The following PLXDC2 variants were observed in gnomAD, a reference collection of about 807,000 sequenced individuals.
The protein encoded by PLXDC2 is plexin domain-containing protein 2.
A neutral mutation model predicts 68.9 loss-of-function variants in PLXDC2; 40 were observed. The observed-to-expected ratio is 0.58, with a 90% CI of 0.45 to 0.76. The LOEUF is 0.76. Ranked by LOEUF, PLXDC2 falls within the 30% of genes least tolerant of loss-of-function variation. The pLI is 0.00. For missense variants in PLXDC2, 644 were observed against 661.9 expected (o/e 0.97, Z 0.30); for synonymous variants, 243 against 234.2 (o/e 1.04, Z -0.34).
chr10:20,032,486 A>G (rs185792814), intron 2 of PLXDC2, among the ~76,000 whole-genome samples: 5 of 152,268 alleles, frequency 3.3e-5, no homozygotes, highest in Admixed American at 3.3e-4. Context: ...CAAAAGGATT[A>G]CTCTACTATG....
intron 5 of PLXDC2, among the ~76,000 whole-genome samples, chr10:20,144,438 C>T (rs944879840): frequency 1.4e-4 from 22 of 152,112 alleles, no homozygotes; most frequent in African/African-American, 5.3e-4. Flanking sequence ...AATGAGGAAA[C>T]TAAACATAGT....
rs539873168 is a variant in PLXDC2, at chr10:20,215,931, G to C, written c.1123-1495G>C. ...TCATACTGAGCATAATGGGAGAGGT[G>C]ATTAGCAAGACACAGCAATGCTGCC... On this transcript the variant is annotated intron_variant, in intron 10 of 13. Coordinates refer to ENST00000377252, the MANE Select transcript of PLXDC2 (RefSeq NM_032812.9). Among the ~76,000 whole-genome samples, 105 of 152,172 alleles carry C rather than the reference G, an allele frequency of 6.9e-4. 4 individuals carry two copies. In the South Asian group the frequency reaches 0.021, roughly 30 times the overall value.
chr10:20,228,639 GAGGGAGGAAACA>G (rs1222977030), intron 12 of PLXDC2, among the ~76,000 whole-genome samples: 1 of 150,794 alleles, frequency 6.6e-6, no homozygotes, highest in African/African-American at 2.4e-5. Flanking sequence ...GGGCGGAAGG[GAGGGAGGAAACA>G]AGGAAGGAAA....
At chr10:19,906,944 A>G (rs1047452641) in intron 1 of PLXDC2, among the ~76,000 whole-genome samples, 2 of 152,090 alleles carry the variant, frequency 1.3e-5, no homozygotes, top group African/African-American at 4.8e-5. Context: ...GTCATGTGTG[A>G]TAGCCTGTCT....
intron 4 of PLXDC2, among the ~76,000 whole-genome samples, chr10:20,115,016 G>A (rs907122560): frequency 1.2e-4 from 18 of 152,074 alleles, no homozygotes; most frequent in African/African-American, 3.4e-4. Flanking sequence ...AAATAAATCC[G>A]CAATGCAATT....
At chr10:19,933,757 G>A (rs1012818419) in intron 1 of PLXDC2, among the ~76,000 whole-genome samples, 3 of 150,678 alleles carry the variant, frequency 2.0e-5, no homozygotes, top group Non-Finnish European at 3.0e-5. Context: ...CCACTGAAAA[G>A]GAAGATAAAG....
chr10:19,966,483 CAATGCAGCTGTATGATATAGATATAGA>C (rs1834266380), intron 1 of PLXDC2, among the ~76,000 whole-genome samples: 1 of 44,900 alleles, frequency 2.2e-5, no homozygotes, highest in African/African-American at 1.1e-4. Flanking sequence ...ATGAGTAGAC[CAATGCAGCTGTATGATATAGATATAGA>C]AATAGATCCA....
At chr10:20,164,654 TAA>T in intron 7 of PLXDC2, 87 bp downstream of exon 7, 11 of 886,416 alleles carry the variant, frequency 1.2e-5, no homozygotes, top group Non-Finnish European at 1.8e-5. Context: ...GTACCTGAAT[TAA>T]AAAAAAAATA....
rs1314537980 is a variant in PLXDC2, at chr10:20,220,592, G to A, written c.1312+1490G>A. 2.0e-5 allele frequency among the ~76,000 whole-genome samples: 3 copies of A among 151,950 alleles called. No individual in the cohort carries two copies. The East Asian group carries it at 5.8e-4, about 29-fold the overall frequency. Reference sequence around the variant, plus strand: ...AAACAAACAAAGGATTCTTGTGATCGAATAAGTGTGAGAGACTCTGGAAAA... The same window carrying A: ...AAACAAACAAAGGATTCTTGTGATCAAATAAGTGTGAGAGACTCTGGAAAA... On this transcript the variant is annotated intron_variant, in intron 12 of 13. Coordinates refer to ENST00000377252, the MANE Select transcript of PLXDC2 (RefSeq NM_032812.9).
chr10:19,939,861 T>A (rs1833788270), intron 1 of PLXDC2, among the ~76,000 whole-genome samples: 1 of 149,704 alleles, frequency 6.7e-6, no homozygotes, highest in African/African-American at 2.6e-5. Context: ...TAGGGATGTT[T>A]TTGAATTATG....
chr10:20,023,952 T>C (rs1835354795), intron 2 of PLXDC2, among the ~76,000 whole-genome samples: 1 of 152,160 alleles, frequency 6.6e-6, no homozygotes, highest in Non-Finnish European at 1.5e-5. Context: ...AGAACTCTTA[T>C]ATCAACTGCC....
intron 1 of PLXDC2, among the ~76,000 whole-genome samples, chr10:19,929,949 A>G (rs530598447): frequency 4.6e-5 from 7 of 152,134 alleles, no homozygotes; most frequent in African/African-American, 1.7e-4. Flanking sequence ...TGCTTGCACA[A>G]TCCAGAAGGA....
At position 20,194,322 on chromosome 10, in the gene PLXDC2, C is replaced by T. The variant is rs928527942; in HGVS notation, c.1061+16913C>T. On this transcript the variant is annotated intron_variant, in intron 9 of 13. Transcript: ENST00000377252. ...CTCTATAAGCCTTGATAAAGTTTTT[C>T]CACTGAAATCAATTTACTTCAACTG... Among the ~76,000 whole-genome samples, 12 of 151,286 alleles carry T rather than the reference C, an allele frequency of 7.9e-5. No homozygotes were observed. In the South Asian group the frequency reaches 1.3e-3, roughly 16 times the overall value.
At chr10:19,939,948 CAAA>C (rs1279057685) in intron 1 of PLXDC2, among the ~76,000 whole-genome samples, 1 of 151,792 alleles carries the variant, frequency 6.6e-6, no homozygotes, top group Non-Finnish European at 1.5e-5. Context: ...GTTGAGATGT[CAAA>C]GAAGGGAACG....
intron 1 of PLXDC2, among the ~76,000 whole-genome samples, chr10:19,880,232 T>C (rs1387449097): frequency 1.3e-5 from 2 of 152,234 alleles, no homozygotes; most frequent in Non-Finnish European, 2.9e-5. Flanking sequence ...AAAAACCCTA[T>C]TATACTTTTC....
intron 6 of PLXDC2, among the ~76,000 whole-genome samples, chr10:20,159,745 G>A (rs925188759): frequency 6.6e-6 from 1 of 152,130 alleles, no homozygotes; most frequent in Non-Finnish European, 1.5e-5. Flanking sequence ...TGCTCCAGCT[G>A]TAGAGACAAC....
chr10:20,064,313 C>T (rs1036995288), intron 3 of PLXDC2, among the ~76,000 whole-genome samples: 14 of 151,574 alleles, frequency 9.2e-5, no homozygotes, highest in South Asian at 2.1e-4. Context: ...CTCCACCTCC[C>T]GGGTTCATGC....
intron 1 of PLXDC2, among the ~76,000 whole-genome samples, chr10:19,879,587 G>T (rs1837693171): frequency 6.6e-6 from 1 of 152,194 alleles, no homozygotes; most frequent in Admixed American, 6.5e-5. Flanking sequence ...AGAAGGCCTT[G>T]CATTGCAGAC....
intron 2 of PLXDC2, among the ~76,000 whole-genome samples, chr10:20,028,916 C>T (rs1368535508): frequency 6.6e-6 from 1 of 152,146 alleles, no homozygotes; most frequent in Non-Finnish European, 1.5e-5. Flanking sequence ...TTCAGACTTT[C>T]GGGACAGACA....
Sources: gnomAD v4.1 joint callset for allele counts (sites outside exome capture counted in the v4.1 genomes callset) on GRCh38, gnomAD v4.1.1 for gene constraint, MANE v1.5 for transcripts, NCBI Gene and HGNC (gene_info 2026-07-23, HGNC 2026-07-21) for gene names.